The following CCDC88A variants were observed in gnomAD, a reference collection of about 807,000 sequenced individuals.
CCDC88A encodes the protein coiled-coil and HOOK domain protein 88A, also known as girdin.
Under a neutral mutation model 234.3 loss-of-function variants are expected in CCDC88A, and 54 were observed. The ratio of observed to expected loss-of-function variants is 0.23; its 90% CI spans 0.19 to 0.29. The LOEUF (loss-of-function observed/expected upper bound fraction) is 0.29. CCDC88A is among the 10% of genes least tolerant of loss of function. The pLI is 1.00. For synonymous variants in CCDC88A, 753 were observed against 737.8 expected, an observed-to-expected ratio of 1.02 and a Z score of -0.33; for missense variants, 1,832 against 2,123.4, an observed-to-expected ratio of 0.86 and a Z score of 2.70.
chr2:55,329,738 T>C (rs1352480248), intron 16 of CCDC88A: 1 of 151,858 alleles, frequency 6.6e-6, no homozygotes, highest in Non-Finnish European at 1.5e-5. Flanking sequence ...AAGACAAGAG[T>C]GATCACCTCT....
intron 17 of CCDC88A, among the ~76,000 whole-genome samples, chr2:55,325,271 T>C (rs1684121794): frequency 6.6e-6 from 1 of 152,246 alleles, no homozygotes; most frequent in Non-Finnish European, 1.5e-5. Flanking sequence ...CACATTTCCT[T>C]AAATTCATCC....
intron 2 of CCDC88A, among the ~76,000 whole-genome samples, chr2:55,401,560 C>T (rs1417714929): frequency 5.0e-5 from 2 of 39,634 alleles, no homozygotes; most frequent in Non-Finnish European, 1.8e-4. Context: ...TAATTTCTCC[C>T]CCCCATAAAT....
At chr2:55,413,852 T>A (rs1387995313) in intron 2 of CCDC88A, among the ~76,000 whole-genome samples, 1 of 151,480 alleles carries the variant, frequency 6.6e-6, no homozygotes, top group Non-Finnish European at 1.5e-5. Flanking sequence ...CTTGGGAGGC[T>A]AAGGTGGGAG....
Position 55,317,656 on chromosome 2 carries a change from C to T in CCDC88A, c.3510G>A (p.Gln1170=). The change falls in exon 20 of 33, where the codon CAG becomes CAA. Residue 1170 remains glutamine, a synonymous_variant. Transcript: ENST00000436346. The surrounding 1 kb of genome is among the most constrained non-coding windows in gnomAD (Gnocchi z 4.2). ...AGATAAGAGATTCATACTCTGAAGC[C>T]TGACGTTCATGAAGAAGTTCCAGCT... ...HEKLELLHER[Q]ASEYESLISK... 3.1e-6 allele frequency: 5 copies of T among 1,613,258 alleles called. No homozygotes were observed. The highest frequency in any genetic ancestry group is 4.2e-6 in the Non-Finnish European group (5 of 1,179,440).
At chr2:55,412,271 C>A (rs1260100394) in intron 2 of CCDC88A, among the ~76,000 whole-genome samples, 5 of 152,064 alleles carry the variant, frequency 3.3e-5, no homozygotes, top group African/African-American at 1.2e-4. Flanking sequence ...ACTTCCGAAT[C>A]ATAAGGAAGA....
At chr2:55,316,890 C>G (rs561817497) in intron 21 of CCDC88A, 1 of 153,390 alleles carries the variant, frequency 6.5e-6, no homozygotes, top group African/African-American at 2.4e-5. Context: ...TGCACGCCAC[C>G]AAGCCTGGCT....
intron 2 of CCDC88A, among the ~76,000 whole-genome samples, chr2:55,393,023 C>T (rs1373867969): frequency 6.6e-6 from 1 of 151,908 alleles, no homozygotes; most frequent in East Asian, 1.9e-4. Context: ...TCTTTTCTAT[C>T]ATTTTAGGAT....
intron 3 of CCDC88A, among the ~76,000 whole-genome samples, chr2:55,383,977 G>C (rs182632569): frequency 7.8e-4 from 119 of 151,986 alleles, no homozygotes; most frequent in African/African-American, 2.7e-3. Context: ...AGACTACAGT[G>C]ACCTATGAGC....
chr2:55,401,760 G>A (rs191013417), intron 2 of CCDC88A, among the ~76,000 whole-genome samples: 1 of 151,512 alleles, frequency 6.6e-6, no homozygotes, highest in East Asian at 1.9e-4. Flanking sequence ...TCATGTTTTT[G>A]TTCTCATAAT....
intron 25 of CCDC88A, among the ~76,000 whole-genome samples, chr2:55,303,752 A>C (rs552768616): frequency 3.5e-4 from 53 of 152,170 alleles, no homozygotes; most frequent in Non-Finnish European, 7.2e-4. Context: ...AGAATTATTT[A>C]TGCAGGGATC....
chr2:55,352,967 C>G (rs552531223), intron 8 of CCDC88A, among the ~76,000 whole-genome samples: 2 of 152,098 alleles, frequency 1.3e-5, no homozygotes, highest in Non-Finnish European at 2.9e-5. Flanking sequence ...AGGAGATTTA[C>G]TTCTTTTTAA....
chr2:55,332,652 A>G lies in CCDC88A; in HGVS notation c.2769T>C (p.Asn923=), dbSNP rs1282676007. ...GCTCATGAGTTAATTTTTCGAGATC[A>G]TTGTTCATCTGTTGGGTCTTCAACT... ...SEKLKTQQMN[N]DLEKLTHELE... Residue 923 remains asparagine, a synonymous_variant, in exon 16 of 33, where the codon AAT becomes AAC. Transcript: ENST00000436346. The surrounding 1 kb of genome is among the most constrained non-coding windows in gnomAD (Gnocchi z 4.5). The G allele has an allele frequency of 1.2e-6, 2 of 1,613,594 alleles. No individual in the cohort carries two copies. The highest frequency in any genetic ancestry group is 1.7e-4 in the Middle Eastern group (1 of 6,058).
chr2:55,324,578 G>A (rs1401008671), intron 17 of CCDC88A, among the ~76,000 whole-genome samples: 1 of 152,054 alleles, frequency 6.6e-6, no homozygotes, highest in Non-Finnish European at 1.5e-5. Context: ...GATGAATGAA[G>A]TTGTTATAAA....
At chr2:55,408,189 G>T (rs1226038335) in intron 2 of CCDC88A, among the ~76,000 whole-genome samples, 1 of 151,802 alleles carries the variant, frequency 6.6e-6, no homozygotes, top group Non-Finnish European at 1.5e-5. Context: ...TCACTATTCA[G>T]AATTGCAACC....
chr2:55,342,609 T>C (rs540016430), intron 12 of CCDC88A, among the ~76,000 whole-genome samples: 107 of 152,284 alleles, frequency 7.0e-4, no homozygotes, highest in Non-Finnish European at 1.2e-3. Context: ...TTTTAAAGTT[T>C]CACAAATATC....
intron 2 of CCDC88A, chr2:55,403,564 G>C (rs1239309325): frequency 6.6e-6 from 1 of 152,194 alleles, no homozygotes; most frequent in Non-Finnish European, 1.5e-5. Flanking sequence ...CTTTGCTTTT[G>C]CATCATCAGT....
At chr2:55,407,204 A>C (rs1475387818) in intron 2 of CCDC88A, among the ~76,000 whole-genome samples, 3 of 151,738 alleles carry the variant, frequency 2.0e-5, no homozygotes, top group Non-Finnish European at 2.9e-5. Flanking sequence ...ACAGGGCAAG[A>C]CCCTGTCTCA....
At chr2:55,321,819 T>C (rs556755399) in intron 18 of CCDC88A, among the ~76,000 whole-genome samples, 1 of 152,226 alleles carries the variant, frequency 6.6e-6, no homozygotes, top group South Asian at 2.1e-4. Context: ...ATAAACTGTT[T>C]ATAGTGATTC....
chr2:55,414,959 CG>C (rs1317561067), intron 2 of CCDC88A, among the ~76,000 whole-genome samples: 1 of 150,370 alleles, frequency 6.7e-6, no homozygotes, highest in African/African-American at 2.4e-5. Context: ...CCCAGTTACT[CG>C]GGAGCCTGAG....
Sources: allele counts gnomAD v4.1 joint callset (sites outside exome capture counted in the v4.1 genomes callset), GRCh38; gene constraint gnomAD v4.1.1; non-coding constraint Gnocchi (gnomAD v3.1); transcripts MANE v1.5; gene names NCBI Gene and HGNC (gene_info 2026-07-23, HGNC 2026-07-21).